ACO1: variants seen among roughly 807,000 people sequenced by gnomAD.
The protein encoded by ACO1 is cytoplasmic aconitate hydratase.
ACO1 carries 78 observed loss-of-function variants against 105.1 expected under a neutral mutation model. The observed-to-expected ratio is 0.74, with a 90% CI of 0.62 to 0.90. The LOEUF is 0.90. Among genes scored for constraint, ACO1 ranks in the 40% least tolerant of loss-of-function variants. The pLI is 0.00. For missense variants in ACO1, 965 were observed against 1,111.1 expected (o/e 0.87, Z 1.87); for synonymous variants, 364 against 397.4 (o/e 0.92, Z 1.00).
chr9:32,401,057 T>C (rs908958567), intron 1 of ACO1, among the ~76,000 whole-genome samples: 3 of 152,148 alleles, frequency 2.0e-5, no homozygotes, highest in Admixed American at 2.0e-4. Context: ...ACATTTTGTA[T>C]CTTGAATCTG....
chr9:32,432,733 A>G (rs1409540729), intron 15 of ACO1, among the ~76,000 whole-genome samples: 1 of 152,226 alleles, frequency 6.6e-6, no homozygotes, highest in East Asian at 1.9e-4. Flanking sequence ...ATTGATAAGC[A>G]TATGCATTAG....
Position 32,418,427 on chromosome 9 carries a change from C to T in ACO1, c.574C>T (p.Gln192Ter), listed in dbSNP as rs780495634. The change falls in exon 6 of 21, where the codon CAG becomes TAG. Residue 192 changes from glutamine to a stop codon, truncating the protein, a stop_gained. Coordinates refer to ENST00000309951, the MANE Select transcript of ACO1 (RefSeq NM_002197.3). LOFTEE classifies it high-confidence loss of function. The part of the protein sequence containing the change: ...LEYLARVVFD[Q>*]DGYYYPDSLV... ...ATATTTGGCAAGAGTGGTATTTGAT[C>T]AGGATGGATATTATTACCCAGACAG... The T allele has an allele frequency of 6.2e-7, 1 of 1,614,146 alleles. No individual in the cohort carries two copies. Among genetic ancestry groups the T allele is most frequent in the Middle Eastern group, 1.6e-4 (1 of 6,062 alleles).
At chr9:32,448,165 T>C (rs1389647069) in intron 19 of ACO1, among the ~76,000 whole-genome samples, 2 of 152,184 alleles carry the variant, frequency 1.3e-5, no homozygotes, top group African/African-American at 4.8e-5. Context: ...CCCTAGGTGC[T>C]CTGTCCCAGG....
chr9:32,446,141 G>C (rs544526050), intron 19 of ACO1, among the ~76,000 whole-genome samples: 18 of 152,250 alleles, frequency 1.2e-4, no homozygotes, highest in African/African-American at 3.9e-4. Context: ...TTGTCCAGAG[G>C]TGAGTTCAAG....
Position 32,451,115 on chromosome 9 carries a change from C to T in ACO1, c.*1004C>T, listed in dbSNP as rs1382073202. 6.6e-6 allele frequency: 1 copy of T among 152,046 alleles called. No homozygotes were observed. Among genetic ancestry groups the T allele is most frequent in the Non-Finnish European group, 1.5e-5 (1 of 67,948 alleles). The allele number at this position is 152,046 out of a possible 1,614,324, so 9.4% of individuals were successfully genotyped here. A position where few individuals can be genotyped will look rare whatever the true frequency, so the allele number is the denominator to read the frequency against. On this transcript the variant is annotated 3_prime_UTR_variant, in exon 21 of 21. Transcript: ENST00000309951. ...AGATAAACTTCAGGACACTAAAAAC[C>T]AATTATCTGCTCATTTTTACCCCTG...
In ACO1 at chr9:32,420,869, T is replaced by A; in HGVS notation, c.812T>A (p.Val271Asp). The change falls in exon 8 of 21, where the codon GTT becomes GAT. Residue 271 changes from valine (V) to aspartate (D), a missense_variant. Val to Asp is a radical substitution (Grantham distance 152, BLOSUM62 -3). Transcript: ENST00000309951. Reference protein sequence around the residue: ...VLTITKHLRQVGVVGKFVEFF... With the variant: ...VLTITKHLRQDGVVGKFVEFF... ...TCTGCTGCTTAGCACCTCCGCCAGG[T>A]TGGGGTAGTGGGCAAATTTGTCGAG... is the stretch of plus-strand genomic sequence containing the variant. The A allele has an allele frequency of 6.2e-7, 1 of 1,613,606 alleles. No individual in the cohort carries two copies. The highest frequency in any genetic ancestry group is 8.5e-7 in the Non-Finnish European group (1 of 1,179,682).
At chr9:32,396,301 C>A (rs1785214362) in intron 1 of ACO1, among the ~76,000 whole-genome samples, 1 of 152,088 alleles carries the variant, frequency 6.6e-6, no homozygotes, top group Non-Finnish European at 1.5e-5. Context: ...TATCAAAGTC[C>A]CTACTGTGGC....
In ACO1 at chr9:32,434,490, G is replaced by A. The variant is rs529450959; in HGVS notation, c.1957-69G>A. 4.6e-5 allele frequency: 73 copies of A among 1,590,820 alleles called. 1 individual carries two copies. The South Asian group carries it at 6.1e-4, about 13-fold the overall frequency. On this transcript the variant is annotated intron_variant, in intron 16 of 20. Coordinates refer to ENST00000309951, the MANE Select transcript of ACO1 (RefSeq NM_002197.3). ...TGATTCAGGTCCATGGGCCACCATC[G>A]TAGAGACTGATCTGGTAACTTGTTT...
At chr9:32,400,397 C>G (rs559253802) in intron 1 of ACO1, among the ~76,000 whole-genome samples, 1 of 152,092 alleles carries the variant, frequency 6.6e-6, no homozygotes, top group South Asian at 2.1e-4. Context: ...GGGAGGGCCC[C>G]CCTTGGATTA....
intron 18 of ACO1, 57 bp from the exon 19 acceptor site, chr9:32,440,408 C>T: frequency 1.2e-6 from 2 of 1,609,008 alleles, no homozygotes; most frequent in Admixed American, 1.7e-5. Flanking sequence ...GCTCAGGGGA[C>T]CTGTGTCCAT....
At chr9:32,401,645 A>G (rs1821498337) in intron 1 of ACO1, among the ~76,000 whole-genome samples, 1 of 152,212 alleles carries the variant, frequency 6.6e-6, no homozygotes, top group South Asian at 2.1e-4. Context: ...GGCACCTGCA[A>G]GTGTCCTCAA....
Position 32,405,563 on chromosome 9 carries a change from G to T in ACO1, c.57G>T (p.Lys19Asn), listed in dbSNP as rs376599072. Residue 19 changes from lysine to asparagine, a missense_variant, in exon 2 of 21, where the codon AAG (lysine) becomes AAT (asparagine). Transcript: ENST00000309951. ...AEPLDPVQPG[K>N]KFFNLNKLED... Reference sequence around the variant, plus strand: ...CATTGGATCCTGTACAACCAGGAAAGAAATTCTTCAATTTGAATAAATTGG... The same window carrying T: ...CATTGGATCCTGTACAACCAGGAAATAAATTCTTCAATTTGAATAAATTGG... 35 of 1,613,802 alleles carry T rather than the reference G, an allele frequency of 2.2e-5. No individual in the cohort carries two copies. The African/African-American group carries it at 4.1e-4, about 19-fold the overall frequency.
chr9:32,406,407 G>C (rs1821611883), intron 2 of ACO1, among the ~76,000 whole-genome samples: 1 of 152,182 alleles, frequency 6.6e-6, no homozygotes, highest in African/African-American at 2.4e-5. Flanking sequence ...AATTGATTGA[G>C]TCCAGGAGTT....
chr9:32,429,804 AG>A (rs968547019), intron 13 of ACO1, among the ~76,000 whole-genome samples: 2 of 152,224 alleles, frequency 1.3e-5, no homozygotes, highest in African/African-American at 4.8e-5. Context: ...TCAAGTGCTC[AG>A]TACTGGCTGG....
rs1387921868 is a variant in ACO1, at chr9:32,407,243, G to T, written c.98-18G>T. ...TTGTCTCACAGGTTTTGTTTATTTTGTCATCCTTAACTCTTAGGGCGCTTA... is the reference window on the plus strand; with the variant it reads ...TTGTCTCACAGGTTTTGTTTATTTTTTCATCCTTAACTCTTAGGGCGCTTA... On this transcript the variant is annotated intron_variant, in intron 2 of 20. Transcript: ENST00000309951. The T allele has an allele frequency of 6.2e-7, 1 of 1,611,408 alleles. No homozygotes were observed. Among genetic ancestry groups the T allele is most frequent in the Non-Finnish European group, 8.5e-7 (1 of 1,178,418 alleles).
rs141032208 is a variant in ACO1 at position 32,444,286 on chromosome 9, C to T, written c.2370+3699C>T. 9.8e-3 allele frequency among the ~76,000 whole-genome samples: 1,494 copies of T among 152,222 alleles called. 19 individuals carry two copies. The highest frequency in any genetic ancestry group is 0.015 in the Non-Finnish European group (1,018 of 68,010). On this transcript the variant is annotated intron_variant, in intron 19 of 20. Coordinates refer to ENST00000309951, the MANE Select transcript of ACO1 (RefSeq NM_002197.3). ...TGTGAACAATGCCACAATAAACATA[C>T]GTGTGCATGCGTCTTTATAGTACAA...
chr9:32,437,768 T>C (rs929384932), intron 18 of ACO1, among the ~76,000 whole-genome samples: 3 of 151,988 alleles, frequency 2.0e-5, no homozygotes, highest in Admixed American at 6.5e-5. Flanking sequence ...TCTGTTGCTA[T>C]GAAATAACAA....
intron 19 of ACO1, among the ~76,000 whole-genome samples, chr9:32,441,667 C>G (rs974812831): frequency 6.6e-6 from 1 of 152,136 alleles, no homozygotes; most frequent in African/African-American, 2.4e-5. Context: ...GGAGCTGTAG[C>G]CAAAATGCAA....
intron 4 of ACO1, among the ~76,000 whole-genome samples, chr9:32,413,286 C>T (rs974569127): frequency 6.6e-6 from 1 of 152,016 alleles, no homozygotes; most frequent in Non-Finnish European, 1.5e-5. Context: ...GAGATCAAGA[C>T]CATCCTGGCC....
Sources: allele counts gnomAD v4.1 joint callset (sites outside exome capture counted in the v4.1 genomes callset), GRCh38; gene constraint gnomAD v4.1.1; transcripts MANE v1.5; gene names NCBI Gene and HGNC (gene_info 2026-07-23, HGNC 2026-07-21).